The following MAGI2 variants were observed in gnomAD, a reference collection of about 807,000 sequenced individuals.
MAGI2 encodes the protein membrane associated guanylate kinase, WW and PDZ domain containing 2.
In MAGI2, 35 loss-of-function variants were observed where a neutral mutation model predicts 133.3. The observed-to-expected ratio is 0.26, with a 90% CI of 0.20 to 0.35. The LOEUF is 0.35. Ranked by LOEUF, MAGI2 falls within the 10% of genes least tolerant of loss-of-function variation. The probability of loss-of-function intolerance (pLI) is 1.00; values close to 1 mark genes in which losing one functional copy is unlikely to be tolerated. For missense variants in MAGI2, 1,636 were observed against 1,863.4 expected (o/e 0.88, Z 2.25); for synonymous variants, 729 against 710.6 (o/e 1.03, Z -0.41).
At chr7:79,298,384 A>G (rs905156193) in intron 1 of MAGI2, among the ~76,000 whole-genome samples, 1 of 152,156 alleles carries the variant, frequency 6.6e-6, no homozygotes, top group Non-Finnish European at 1.5e-5. Context: ...AATTGCTATG[A>G]GAGTTCCTAA....
intron 2 of MAGI2, among the ~76,000 whole-genome samples, chr7:78,899,450 C>G (rs1247146678): frequency 5.3e-5 from 8 of 152,198 alleles, no homozygotes; most frequent in Non-Finnish European, 1.2e-4. Context: ...AGCAATGAAT[C>G]AGAGTCAGTT....
At chr7:79,004,010 A>C (rs553622873) in intron 2 of MAGI2, among the ~76,000 whole-genome samples, 23 of 152,332 alleles carry the variant, frequency 1.5e-4, no homozygotes, top group African/African-American at 5.5e-4. Context: ...GTAGGAATGT[A>C]AATTAGTGCA....
chr7:78,072,067 C>T (rs1370131636), intron 21 of MAGI2, among the ~76,000 whole-genome samples: 1 of 152,130 alleles, frequency 6.6e-6, no homozygotes. Flanking sequence ...CCAGAAGTGG[C>T]TGATGGCCAC....
intron 14 of MAGI2, among the ~76,000 whole-genome samples, chr7:78,177,407 T>A (rs1268338700): frequency 1.4e-5 from 2 of 144,446 alleles, no homozygotes; most frequent in East Asian, 4.1e-4. Context: ...TATGTTTCAC[T>A]GTGAATACGC....
intron 2 of MAGI2, among the ~76,000 whole-genome samples, chr7:78,828,852 A>T (rs1002687628): frequency 6.6e-6 from 1 of 152,208 alleles, no homozygotes; most frequent in African/African-American, 2.4e-5. Context: ...TGTTATAAAC[A>T]TTCTAAAGTA....
At chr7:79,051,281 C>T (rs1382170194) in intron 1 of MAGI2, among the ~76,000 whole-genome samples, 2 of 152,148 alleles carry the variant, frequency 1.3e-5, no homozygotes, top group African/African-American at 2.4e-5. Context: ...TCACTAATAC[C>T]GTGTTACCAA....
intron 1 of MAGI2, among the ~76,000 whole-genome samples, chr7:79,370,398 A>G (rs1288907553): frequency 6.6e-6 from 1 of 152,146 alleles, no homozygotes; most frequent in African/African-American, 2.4e-5. Context: ...AGCCTAACAT[A>G]CTGCTTTGGA....
rs894210200 is a variant in MAGI2, at chr7:79,112,139, A to AT, written c.302-104934dup. Among the ~76,000 whole-genome samples the AT allele has an allele frequency of 1.4e-3, 204 of 150,522 alleles. 2 individuals are homozygous for AT. Among genetic ancestry groups the AT allele is most frequent in the East Asian group, 4.3e-3 (22 of 5,112 alleles). On this transcript the variant is annotated intron_variant, in intron 1 of 21. Coordinates refer to ENST00000354212, the MANE Select transcript of MAGI2 (RefSeq NM_012301.4). Reference sequence around the variant, plus strand: ...AGTAACTATCATTCTATAATTATACATTTTTTTTTAGTTGAAAGGGGCCTC... The same window carrying AT: ...AGTAACTATCATTCTATAATTATACATTTTTTTTTTAGTTGAAAGGGGCCTC...
intron 16 of MAGI2, among the ~76,000 whole-genome samples, chr7:78,150,913 C>T (rs921620599): frequency 1.3e-5 from 2 of 151,990 alleles, no homozygotes; most frequent in Admixed American, 6.6e-5. Context: ...TGATGGTGTT[C>T]TCTGCAGACT....
intron 1 of MAGI2, among the ~76,000 whole-genome samples, chr7:79,216,614 T>TC (rs888068150): frequency 6.6e-6 from 1 of 151,618 alleles, no homozygotes; most frequent in Admixed American, 6.6e-5. Flanking sequence ...CGCCTTTTGC[T>TC]CCCCCTCCCA....
At chr7:78,498,154 A>G (rs1337251598) in intron 5 of MAGI2, among the ~76,000 whole-genome samples, 4 of 152,240 alleles carry the variant, frequency 2.6e-5, no homozygotes, top group Admixed American at 6.5e-5. Context: ...TCTCAACACA[A>G]AAAACGACTA....
intron 2 of MAGI2, among the ~76,000 whole-genome samples, chr7:78,935,583 C>T (rs1800448412): frequency 6.6e-6 from 1 of 152,004 alleles, no homozygotes; most frequent in Non-Finnish European, 1.5e-5. Flanking sequence ...GAATGTCTAC[C>T]TATAACAACT....
intron 3 of MAGI2, among the ~76,000 whole-genome samples, chr7:78,569,203 T>C (rs937646784): frequency 6.6e-6 from 1 of 152,152 alleles, no homozygotes; most frequent in African/African-American, 2.4e-5. Flanking sequence ...CTGACATTTG[T>C]TTTTTGTTCA....
intron 10 of MAGI2, among the ~76,000 whole-genome samples, chr7:78,225,919 C>T (rs1789326606): frequency 1.3e-5 from 2 of 152,100 alleles, no homozygotes; most frequent in South Asian, 2.1e-4. Context: ...TGTACAACGC[C>T]GAGGGTGCTG....
At chr7:79,215,777 T>C (rs1829978914) in intron 1 of MAGI2, among the ~76,000 whole-genome samples, 1 of 152,004 alleles carries the variant, frequency 6.6e-6, no homozygotes, top group South Asian at 2.1e-4. Context: ...CTCAACCACC[T>C]TGGGAAAATG....
chr7:78,608,492 TATATAGAAGC>T (rs1335032996), intron 3 of MAGI2, among the ~76,000 whole-genome samples: 2 of 151,746 alleles, frequency 1.3e-5, no homozygotes, highest in African/African-American at 4.8e-5. Flanking sequence ...TATATACGTA[TATATAGAAGC>T]ATATATAATG....
intron 2 of MAGI2, among the ~76,000 whole-genome samples, chr7:78,801,612 G>T (rs78625030): frequency 2.0e-5 from 3 of 151,634 alleles, no homozygotes; most frequent in Non-Finnish European, 4.4e-5. Flanking sequence ...AATAAAAAGG[G>T]TTTTTTTTGG....
intron 2 of MAGI2, among the ~76,000 whole-genome samples, chr7:78,833,394 G>A (rs1357636340): frequency 2.6e-5 from 4 of 152,084 alleles, no homozygotes; most frequent in Non-Finnish European, 2.9e-5. Flanking sequence ...TGCATTGGAG[G>A]CATCAAGGGA....
rs182756055 is a variant in MAGI2, at chr7:78,670,841, G to A, written c.419-43602C>T. On this transcript the variant is annotated intron_variant, in intron 2 of 21. Transcript: ENST00000354212. ...AACTTTTCAGTAAGACTCAACAAAA[G>A]CAGTAAGTCTGTGAACATTCTACTT... Among the ~76,000 whole-genome samples the A allele has an allele frequency of 1.9e-3, 285 of 152,212 alleles. 1 individual carries two copies. The highest frequency in any genetic ancestry group is 1.5e-3 in the Non-Finnish European group (101 of 67,994).
Sources: gnomAD v4.1 joint callset for allele counts (sites outside exome capture counted in the v4.1 genomes callset) on GRCh38, gnomAD v4.1.1 for gene constraint, MANE v1.5 for transcripts, NCBI Gene and HGNC (gene_info 2026-07-23, HGNC 2026-07-21) for gene names.